Variants in PCOLCE2 observed in about 807,000 individuals in gnomAD.
PCOLCE2 encodes procollagen C-endopeptidase enhancer 2, also known as procollagen C-proteinase enhancer 2.
A neutral mutation model predicts 47.0 loss-of-function variants in PCOLCE2; 42 were observed. That is an observed-to-expected ratio of 0.89 (90% CI 0.70 to 1.16). The LOEUF is 1.16. Ranked by LOEUF, PCOLCE2 falls within the 50% of genes most tolerant of loss-of-function variation. The pLI is 0.00. For synonymous variants in PCOLCE2, 169 were observed against 191.7 expected, an observed-to-expected ratio of 0.88 and a Z score of 0.98; for missense variants, 500 against 526.1, an observed-to-expected ratio of 0.95 and a Z score of 0.49.
At chr3:142,821,640 T>C (rs567727187) in intron 7 of PCOLCE2, among the ~76,000 whole-genome samples, 24 of 152,136 alleles carry the variant, frequency 1.6e-4, no homozygotes, top group Admixed American at 6.5e-4. Context: ...TCTTATCCAC[T>C]CCGTTTATTT....
chr3:142,829,227 AAAAT>A (rs144943897), intron 6 of PCOLCE2, among the ~76,000 whole-genome samples: 66,765 of 149,264 alleles, frequency 0.45, 15,414 homozygotes, highest in African/African-American at 0.51. Context: ...CTCCGATTTG[AAAAT>A]AAATAAATAA....
In PCOLCE2 at chr3:142,822,327, G is replaced by A. The variant is rs553115557; in HGVS notation, c.949+1205C>T. 3.9e-5 allele frequency among the ~76,000 whole-genome samples: 6 copies of A among 152,150 alleles called. No homozygotes were observed. In the South Asian group the frequency reaches 1.0e-3, roughly 26 times the overall value. On this transcript the variant is annotated intron_variant, in intron 7 of 8. Coordinates refer to ENST00000295992, the MANE Select transcript of PCOLCE2 (RefSeq NM_013363.4). ...CTAACATCTCTACCACTCCCCAGGG[G>A]AGCATTATCAGCCCTGGTTGAGAAC... is the stretch of plus-strand genomic sequence containing the variant.
intron 3 of PCOLCE2, among the ~76,000 whole-genome samples, chr3:142,845,382 A>G (rs1937315332): frequency 6.6e-6 from 1 of 152,240 alleles, no homozygotes; most frequent in South Asian, 2.1e-4. Context: ...TCCACAACAC[A>G]GTGCTAAGGT....
chr3:142,887,757 C>T lies in PCOLCE2; in HGVS notation c.104G>A (p.Gly35Asp). 3 of 1,599,294 alleles carry T rather than the reference C, an allele frequency of 1.9e-6. No individual in the cohort carries two copies. Among genetic ancestry groups the T allele is most frequent in the East Asian group, 2.2e-5 (1 of 44,780 alleles). Residue 35 changes from glycine to aspartate, a missense_variant, in exon 2 of 9, where the codon GGC becomes GAC. Gly to Asp is a moderately conservative substitution (Grantham distance 94). Transcript: ENST00000295992. ...SPERPVFTCG[G>D]ILTGESGFIG... ...AAATCCAGACTCTCCAGTAAGAATGCCACCACATGTGAAAACAGGTCTGGG... is the reference window on the plus strand; with the variant it reads ...AAATCCAGACTCTCCAGTAAGAATGTCACCACATGTGAAAACAGGTCTGGG...
chr3:142,842,613 C>A lies in PCOLCE2; in HGVS notation c.573+311G>T, dbSNP rs1166758198. Among the ~76,000 whole-genome samples the A allele has an allele frequency of 1.3e-5, 2 of 151,970 alleles. No individual in the cohort carries two copies. The highest frequency in any genetic ancestry group is 2.9e-5 in the Non-Finnish European group (2 of 68,004). The stretch of plus-strand genomic sequence containing the variant: ...AATTAGCCGGGCGTGGTGGCGCGTG[C>A]CTGTAATCTCAGCTACTCGTGAGGC... On this transcript the variant is annotated intron_variant, in intron 4 of 8. Transcript: ENST00000295992. The surrounding 1 kb of genome is among the most constrained non-coding windows in gnomAD (Gnocchi z 4.1).
chr3:142,848,800 T>C (rs1200669860), intron 2 of PCOLCE2, among the ~76,000 whole-genome samples: 1 of 152,234 alleles, frequency 6.6e-6, no homozygotes, highest in Non-Finnish European at 1.5e-5. Context: ...GATTGGACCT[T>C]AGCATATATT....
chr3:142,855,513 G>C (rs986742711), intron 2 of PCOLCE2, among the ~76,000 whole-genome samples: 1 of 152,146 alleles, frequency 6.6e-6, no homozygotes, highest in African/African-American at 2.4e-5. Flanking sequence ...GCAGAACTCA[G>C]GTCACCAGAC....
At chr3:142,873,544 C>T (rs1933436168) in intron 2 of PCOLCE2, among the ~76,000 whole-genome samples, 1 of 152,052 alleles carries the variant, frequency 6.6e-6, no homozygotes, top group South Asian at 2.1e-4. Flanking sequence ...ACAAAGTTAA[C>T]ACTAAAATTG....
chr3:142,845,071 G>A (rs1395785806), intron 3 of PCOLCE2, among the ~76,000 whole-genome samples: 1 of 152,014 alleles, frequency 6.6e-6, no homozygotes, highest in Admixed American at 6.6e-5. Flanking sequence ...TGGATTTAAT[G>A]TGCCATTTAC....
At chr3:142,847,494 C>G (rs574061669) in intron 3 of PCOLCE2, among the ~76,000 whole-genome samples, 1 of 152,150 alleles carries the variant, frequency 6.6e-6, no homozygotes, top group South Asian at 2.1e-4. Context: ...GAGATTTCTA[C>G]GCTTGGGAGC....
rs73232754 is a variant in PCOLCE2, at chr3:142,875,638, G to A, written c.192+12031C>T. ...AGAGGAAATCTCTGTCTATTCCAAGGGTGCTCCTTCTTGATGTTCTTAAGA... is the reference window on the plus strand; with the variant it reads ...AGAGGAAATCTCTGTCTATTCCAAGAGTGCTCCTTCTTGATGTTCTTAAGA... On this transcript the variant is annotated intron_variant, in intron 2 of 8. Coordinates refer to ENST00000295992, the MANE Select transcript of PCOLCE2 (RefSeq NM_013363.4). 4.4e-3 allele frequency among the ~76,000 whole-genome samples: 676 copies of A among 152,180 alleles called. 1 individual carries two copies. Among genetic ancestry groups the A allele is most frequent in the Non-Finnish European group, 7.8e-3 (532 of 67,990 alleles).
At chr3:142,848,097 G>C in intron 3 of PCOLCE2, 120 bp downstream of exon 3, 1 of 959,778 alleles carries the variant, frequency 1.0e-6, no homozygotes. Flanking sequence ...ATCATGGTTT[G>C]ATGGCATTCA....
intron 2 of PCOLCE2, among the ~76,000 whole-genome samples, chr3:142,884,477 C>T (rs1168344010): frequency 6.6e-6 from 1 of 152,208 alleles, no homozygotes. Context: ...TTATAGTCCC[C>T]AGAATCAACT....
At chr3:142,852,787 T>C (rs6440112) in intron 2 of PCOLCE2, among the ~76,000 whole-genome samples, 90,311 of 148,842 alleles carry the variant, frequency 0.61, 27,877 homozygotes, top group Non-Finnish European at 0.66. Flanking sequence ...CCATGCAAAA[T>C]GCACAGTGAC....
At chr3:142,852,552 T>C (rs1301722177) in intron 2 of PCOLCE2, among the ~76,000 whole-genome samples, 1 of 151,788 alleles carries the variant, frequency 6.6e-6, no homozygotes, top group Non-Finnish European at 1.5e-5. Context: ...AAAAATGAGA[T>C]TTCCTTTGTC....
At chr3:142,854,212 AT>A (rs961495247) in intron 2 of PCOLCE2, among the ~76,000 whole-genome samples, 16 of 147,174 alleles carry the variant, frequency 1.1e-4, no homozygotes, top group African/African-American at 3.3e-4. Flanking sequence ...GCAGCACGTG[AT>A]TTTTTTTTAA....
chr3:142,828,044 A>AG (rs1157457402), intron 6 of PCOLCE2, among the ~76,000 whole-genome samples: 2 of 152,218 alleles, frequency 1.3e-5, no homozygotes, highest in Non-Finnish European at 2.9e-5. Flanking sequence ...GCCATAGCAC[A>AG]GTTCGCCTGG....
chr3:142,852,445 T>A (rs887974863), intron 2 of PCOLCE2, among the ~76,000 whole-genome samples: 1 of 152,034 alleles, frequency 6.6e-6, no homozygotes, highest in Admixed American at 6.6e-5. Flanking sequence ...CAGAATAATA[T>A]AACACCTGGA....
chr3:142,827,210 C>A, intron 6 of PCOLCE2: 1 of 1,256,456 alleles, frequency 8.0e-7, no homozygotes, highest in South Asian at 1.2e-5. Context: ...GGAGGGGATG[C>A]CGATGTGCTG....
Sources: allele counts gnomAD v4.1 joint callset (sites outside exome capture counted in the v4.1 genomes callset), GRCh38; gene constraint gnomAD v4.1.1; non-coding constraint Gnocchi (gnomAD v3.1); transcripts MANE v1.5; gene names NCBI Gene and HGNC (gene_info 2026-07-23, HGNC 2026-07-21).